ATXN2: variants seen among roughly 807,000 people sequenced by gnomAD.
ATXN2 encodes the protein ataxin-2.
ATXN2 carries 37 observed loss-of-function variants against 138.6 expected under a neutral mutation model. The observed-to-expected ratio is 0.27, with a 90% CI of 0.21 to 0.35. The LOEUF (loss-of-function observed/expected upper bound fraction) is 0.35, where lower values mean the gene tolerates loss of function less well. Ranked by LOEUF, ATXN2 falls within the 10% of genes least tolerant of loss-of-function variation. The pLI is 1.00. For missense variants in ATXN2, 1,216 were observed against 1,480.3 expected, an observed-to-expected ratio of 0.82 and a Z score of 2.93; for synonymous variants, 549 against 543.7, an observed-to-expected ratio of 1.01 and a Z score of -0.13.
At chr12:111,531,094 G>C (rs543748547) in intron 5 of ATXN2, among the ~76,000 whole-genome samples, 47 of 152,020 alleles carry the variant, frequency 3.1e-4, no homozygotes, top group Admixed American at 1.5e-3. Context: ...CTCCAGCCTG[G>C]GTAACAAGAG....
In ATXN2 at chr12:111,598,671, C is replaced by T; in HGVS notation, c.251+113G>A. ...GAGCGAGTCTCCCCCGCGCTGCCGG[C>T]CCCCAGCCCACCCCGGGTAGCCCGG... On this transcript the variant is annotated intron_variant, in intron 1 of 24. Transcript: ENST00000673436. This position sits in a 1 kb window ranked among gnomAD's most constrained non-coding sequence, Gnocchi z 4.5. The T allele has an allele frequency of 2.3e-6, 2 of 878,732 alleles. No homozygotes were observed. Among genetic ancestry groups the T allele is most frequent in the African/African-American group, 1.8e-5 (1 of 55,330 alleles). The allele number at this position is 878,732 out of a possible 1,614,324, so 54.4% of individuals were successfully genotyped here.
chr12:111,504,530 T>G (rs975447374), intron 14 of ATXN2, among the ~76,000 whole-genome samples: 1 of 152,188 alleles, frequency 6.6e-6, no homozygotes, highest in Non-Finnish European at 1.5e-5. Flanking sequence ...CCTCATGTGA[T>G]CTGCCTGCTT....
chr12:111,482,169 T>G (rs1402498313), intron 18 of ATXN2, among the ~76,000 whole-genome samples: 17 of 146,616 alleles, frequency 1.2e-4, no homozygotes. Flanking sequence ...CCGGCCAACA[T>G]GGCAAAGCCC....
chr12:111,545,962 GA>G (rs56313374), intron 5 of ATXN2, among the ~76,000 whole-genome samples: 1,348 of 94,804 alleles, frequency 0.014, 24 homozygotes, highest in African/African-American at 0.041. Flanking sequence ...AAGATCATCT[GA>G]AAAAAAAAAA....
intron 1 of ATXN2, among the ~76,000 whole-genome samples, chr12:111,557,908 C>T (rs1882473319): frequency 6.6e-6 from 1 of 152,126 alleles, no homozygotes; most frequent in Non-Finnish European, 1.5e-5. Flanking sequence ...AGTTACAAAA[C>T]CTTGAACAAA....
intron 5 of ATXN2, among the ~76,000 whole-genome samples, chr12:111,544,099 A>T (rs11065944): frequency 0.1 from 15,263 of 151,980 alleles, 2,558 homozygotes; most frequent in African/African-American, 0.35. Flanking sequence ...AAAAAAAATT[A>T]ATTTTTAAAA....
chr12:111,479,583 T>C (rs1877071849), intron 18 of ATXN2, among the ~76,000 whole-genome samples: 1 of 151,904 alleles, frequency 6.6e-6, no homozygotes. Flanking sequence ...TAACATGAAA[T>C]TCAAATTACT....
At chr12:111,586,062 A>G (rs1486215344) in intron 1 of ATXN2, among the ~76,000 whole-genome samples, 2 of 150,456 alleles carry the variant, frequency 1.3e-5, no homozygotes, top group African/African-American at 4.9e-5. Flanking sequence ...ATGACTGGCT[A>G]AATTTTTTGT....
intron 1 of ATXN2, among the ~76,000 whole-genome samples, chr12:111,575,885 C>T (rs1180308124): frequency 6.6e-6 from 1 of 151,992 alleles, no homozygotes; most frequent in African/African-American, 2.4e-5. Context: ...AGTTCCAGAA[C>T]AGCCTGGCCA....
Position 111,488,610 on chromosome 12 carries a change from G to T in ATXN2, c.2106C>A (p.Pro702=), listed in dbSNP as rs144813155. The T allele has an allele frequency of 7.4e-6, 12 of 1,614,038 alleles. No individual in the cohort carries two copies. In the African/African-American group the frequency reaches 1.2e-4, roughly 16 times the overall value. ...TACTAAGTATTGAAGGGGAAATGCT[G>T]GGGCTATTCGGCTTGCTGCTGCCAC... ...CTSGSSKPNS[P]SISPSILSNT... Residue 702 remains proline (P), a synonymous_variant, in exon 15 of 25, where the codon CCC becomes CCA. Transcript: ENST00000673436.
At chr12:111,482,448 C>T (rs1211750347) in intron 18 of ATXN2, among the ~76,000 whole-genome samples, 2 of 152,030 alleles carry the variant, frequency 1.3e-5, no homozygotes, top group African/African-American at 4.8e-5. Flanking sequence ...CCCACCTCGG[C>T]CTCCCAAAGT....
In ATXN2 at chr12:111,510,519, G is replaced by T. The variant is rs149725086; in HGVS notation, c.1622C>A (p.Thr541Asn). The T allele has an allele frequency of 1.2e-6, 2 of 1,613,974 alleles. No individual in the cohort carries two copies. Among genetic ancestry groups the T allele is most frequent in the Non-Finnish European group, 1.7e-6 (2 of 1,179,976 alleles). ...AGAAGCAAGAACTGGCCCACTGGGG[G>T]TATTTCCAATACTGTTCTGTCTGGG... ...RSPRQNSIGN[T>N]PSGPVLASPQ... Residue 541 changes from threonine to asparagine, a missense_variant, in exon 12 of 25, where the codon ACC becomes AAC. By Grantham distance (65) the Thr-to-Asn change is moderately conservative. This residue lies in a region of ATXN2 where 215 missense variants were observed against 210.0 expected (regional missense o/e 1.02). Transcript: ENST00000673436.
At chr12:111,570,942 C>T (rs914392612) in intron 1 of ATXN2, among the ~76,000 whole-genome samples, 1 of 152,232 alleles carries the variant, frequency 6.6e-6, no homozygotes, top group Non-Finnish European at 1.5e-5. Flanking sequence ...ACTTTTCAAC[C>T]TTAACTTGCT....
chr12:111,557,157 C>T (rs569243823), intron 1 of ATXN2, among the ~76,000 whole-genome samples: 6 of 152,274 alleles, frequency 3.9e-5, no homozygotes, highest in East Asian at 1.9e-4. Context: ...TTAGTCATGA[C>T]AATAGGACTG....
chr12:111,512,313 G>A (rs6490172), intron 11 of ATXN2, among the ~76,000 whole-genome samples: 15,550 of 151,848 alleles, frequency 0.1, 2,660 homozygotes, highest in African/African-American at 0.35. Context: ...TTTTTTGTTT[G>A]TTTGTTTGTT....
At position 111,599,237 on chromosome 12, in the gene ATXN2, C is replaced by T. The variant is rs1885134593; in HGVS notation, c.-203G>A. 2 of 1,196,156 alleles carry T rather than the reference C, an allele frequency of 1.7e-6. No homozygotes were observed. The highest frequency in any genetic ancestry group is 2.1e-6 in the Non-Finnish European group (2 of 968,202). 74.1% of individuals were successfully genotyped at this position (1,196,156 alleles called of 1,614,324 possible). On this transcript the variant is annotated 5_prime_UTR_variant, in exon 1 of 25. Transcript: ENST00000673436. ...GGGAGGCCCGCCGAGACCAAGGAGC[C>T]GCCGGGAGCCGGGCCGAAACGCGCC... is the stretch of plus-strand genomic sequence containing the variant.
At chr12:111,548,063 C>A (rs370910854) in intron 5 of ATXN2, among the ~76,000 whole-genome samples, 1 of 151,676 alleles carries the variant, frequency 6.6e-6, no homozygotes, top group African/African-American at 2.4e-5. Flanking sequence ...TGTGGTGGTA[C>A]GTGCCTGTAA....
chr12:111,565,004 TAA>T (rs1882912412), intron 1 of ATXN2: 1 of 152,182 alleles, frequency 6.6e-6, no homozygotes, highest in African/African-American at 2.4e-5. Flanking sequence ...ATTACAGGCA[TAA>T]GACACCATGC....
At chr12:111,476,298 C>A (rs538493044) in intron 18 of ATXN2, among the ~76,000 whole-genome samples, 12 of 152,244 alleles carry the variant, frequency 7.9e-5, no homozygotes, top group African/African-American at 2.6e-4. Context: ...CATAATCCAA[C>A]AACCATTCAT....
Sources: allele counts gnomAD v4.1 joint callset (sites outside exome capture counted in the v4.1 genomes callset), GRCh38; gene constraint gnomAD v4.1.1; regional missense constraint gnomAD v4.1.1; non-coding constraint Gnocchi (gnomAD v3.1); transcripts MANE v1.5; gene names NCBI Gene and HGNC (gene_info 2026-07-23, HGNC 2026-07-21).